SHISA6: variants seen among roughly 807,000 people sequenced by gnomAD.
The protein encoded by SHISA6 is protein shisa-6.
Under a neutral mutation model 47.9 loss-of-function variants are expected in SHISA6, and 22 were observed. That is an observed-to-expected ratio of 0.46 (90% CI 0.33 to 0.66). The LOEUF is 0.66. SHISA6 is among the 30% of genes least tolerant of loss of function. SHISA6 has a pLI of 0.02. For synonymous variants in SHISA6, 388 were observed against 337.8 expected (o/e 1.15, Z -1.63); for missense variants, 680 against 764.6 (o/e 0.89, Z 1.30).
intron 3 of SHISA6, among the ~76,000 whole-genome samples, chr17:11,532,355 G>A (rs560505678): frequency 6.6e-6 from 1 of 152,230 alleles, no homozygotes. Context: ...GTATCAGAAA[G>A]AGCATGTGTG....
intron 3 of SHISA6, among the ~76,000 whole-genome samples, chr17:11,409,906 A>T (rs1379336436): frequency 6.6e-6 from 1 of 152,118 alleles, no homozygotes; most frequent in East Asian, 1.9e-4. Context: ...GTTGCTTCTG[A>T]TACATGCATC....
chr17:11,403,906 A>G (rs1161781560), intron 3 of SHISA6, among the ~76,000 whole-genome samples: 2 of 152,148 alleles, frequency 1.3e-5, no homozygotes, highest in Non-Finnish European at 2.9e-5. Context: ...CCATGGGGCC[A>G]CTCAGGAACA....
intron 2 of SHISA6, among the ~76,000 whole-genome samples, chr17:11,286,290 G>A (rs1909297512): frequency 6.6e-6 from 1 of 152,026 alleles, no homozygotes. Flanking sequence ...AGATTCAAAG[G>A]GCACACATCC....
Position 11,460,340 on chromosome 17 carries a change from AAAC to A in SHISA6, c.895+80835_895+80837del, listed in dbSNP as rs568906285. 3.9e-5 allele frequency among the ~76,000 whole-genome samples: 6 copies of A among 152,322 alleles called. No individual in the cohort carries two copies. In the South Asian group the frequency reaches 1.2e-3, roughly 32 times the overall value. On this transcript the variant is annotated intron_variant, in intron 3 of 5. Transcript: ENST00000441885. ...GATAGACCTGAGTCCAGCAGAAAAA[AAAC>A]AACGATACAAATATCTAGGAGTTGG...
chr17:11,472,531 C>T (rs7222570), intron 3 of SHISA6, among the ~76,000 whole-genome samples: 11,042 of 152,202 alleles, frequency 0.073, 437 homozygotes, highest in Non-Finnish European at 0.09. Context: ...AATAATATTC[C>T]ATTGTCTGGA....
intron 3 of SHISA6, among the ~76,000 whole-genome samples, chr17:11,389,059 A>G (rs1027757672): frequency 2.6e-5 from 4 of 151,914 alleles, no homozygotes; most frequent in East Asian, 2.0e-4. Context: ...ATTCACAGCA[A>G]TTAAGCCAGT....
intron 2 of SHISA6, among the ~76,000 whole-genome samples, chr17:11,277,529 A>G (rs941212796): frequency 6.6e-6 from 1 of 152,160 alleles, no homozygotes; most frequent in African/African-American, 2.4e-5. Context: ...TTCAATAACT[A>G]TTTCTTGAAT....
chr17:11,487,157 C>A (rs1916370654), intron 3 of SHISA6, among the ~76,000 whole-genome samples: 1 of 152,172 alleles, frequency 6.6e-6, no homozygotes, highest in Non-Finnish European at 1.5e-5. Context: ...TGTTCACACA[C>A]GTGCATGGGC....
Position 11,452,794 on chromosome 17 carries a change from T to G in SHISA6, c.895+73285T>G, listed in dbSNP as rs1460847236. 2.0e-5 allele frequency among the ~76,000 whole-genome samples: 3 copies of G among 150,210 alleles called. 1 individual carries two copies. Among genetic ancestry groups the G allele is most frequent in the African/African-American group, 7.4e-5 (3 of 40,788 alleles). ...CTTCTCCTCCTCTTTCTCTTCTCCC[T>G]TCATCCTCTCTTTTTTCCTCCTCTT... On this transcript the variant is annotated intron_variant, in intron 3 of 5. Coordinates refer to ENST00000441885, the MANE Select transcript of SHISA6 (RefSeq NM_207386.4).
chr17:11,368,304 A>AGTTT (rs143839631), intron 2 of SHISA6, among the ~76,000 whole-genome samples: 74,401 of 151,434 alleles, frequency 0.49, 18,627 homozygotes, highest in African/African-American at 0.58. Context: ...AGATGAGCTG[A>AGTTT]CGTGTTTTCT....
chr17:11,302,926 C>A (rs1201690877), intron 2 of SHISA6, among the ~76,000 whole-genome samples: 1 of 152,154 alleles, frequency 6.6e-6, no homozygotes, highest in Admixed American at 6.5e-5. Flanking sequence ...CCTGCAGGTT[C>A]TGCTGGAGTT....
chr17:11,482,621 G>A (rs1023267557), intron 3 of SHISA6, among the ~76,000 whole-genome samples: 5 of 152,076 alleles, frequency 3.3e-5, no homozygotes, highest in African/African-American at 1.2e-4. Flanking sequence ...TTAAACTACG[G>A]GTCTAAATAA....
At chr17:11,384,494 G>A (rs1913129901) in intron 3 of SHISA6, among the ~76,000 whole-genome samples, 1 of 152,208 alleles carries the variant, frequency 6.6e-6, no homozygotes, top group Non-Finnish European at 1.5e-5. Flanking sequence ...TTCGACTTTG[G>A]CAATTTGGTT....
At chr17:11,385,181 T>TA (rs1913152335) in intron 3 of SHISA6, among the ~76,000 whole-genome samples, 1 of 151,416 alleles carries the variant, frequency 6.6e-6, no homozygotes, top group East Asian at 1.9e-4. Context: ...TTAGGAAAAA[T>TA]AAAAAAAGAA....
chr17:11,451,268 T>C (rs1250474490), intron 3 of SHISA6, among the ~76,000 whole-genome samples: 1 of 152,168 alleles, frequency 6.6e-6, no homozygotes, highest in Non-Finnish European at 1.5e-5. Flanking sequence ...ATACACAAAG[T>C]GCTATCTTAA....
In SHISA6 at chr17:11,341,241, A is replaced by G. The variant is rs151245005; in HGVS notation, c.800-38173A>G. Among the ~76,000 whole-genome samples, 7 of 151,850 alleles carry G rather than the reference A, an allele frequency of 4.6e-5. No individual in the cohort carries two copies. The East Asian group carries it at 1.2e-3, about 25-fold the overall frequency. ...AACAGCAACAATAAAAATGACAAGGATCATGGCAGCAGTTACGGGCCTTGT... is the reference window on the plus strand; with the variant it reads ...AACAGCAACAATAAAAATGACAAGGGTCATGGCAGCAGTTACGGGCCTTGT... On this transcript the variant is annotated intron_variant, in intron 2 of 5. Coordinates refer to ENST00000441885, the MANE Select transcript of SHISA6 (RefSeq NM_207386.4).
chr17:11,279,758 C>T (rs761517299), intron 2 of SHISA6, among the ~76,000 whole-genome samples: 42 of 152,016 alleles, frequency 2.8e-4, no homozygotes, highest in Admixed American at 4.6e-4. Flanking sequence ...ATTTTTTATC[C>T]ATAGCCGTAA....
rs535784849 is a variant in SHISA6, at chr17:11,326,174, G to T, written c.800-53240G>T. Among the ~76,000 whole-genome samples the T allele has an allele frequency of 2.6e-5, 4 of 152,124 alleles. No individual in the cohort carries two copies. In the East Asian group the frequency reaches 7.8e-4, roughly 29 times the overall value. On this transcript the variant is annotated intron_variant, in intron 2 of 5. Coordinates refer to ENST00000441885, the MANE Select transcript of SHISA6 (RefSeq NM_207386.4). ...TAGTCCCAGCTACTCGAGAGGCTGAGGCAGGAGAATCACTTGAACCCAGGA... is the reference window on the plus strand; with the variant it reads ...TAGTCCCAGCTACTCGAGAGGCTGATGCAGGAGAATCACTTGAACCCAGGA...
At chr17:11,518,556 A>G (rs1432298332) in intron 3 of SHISA6, among the ~76,000 whole-genome samples, 1 of 152,152 alleles carries the variant, frequency 6.6e-6, no homozygotes, top group Non-Finnish European at 1.5e-5. Flanking sequence ...TCCAAATCTC[A>G]GATTGGGGTT....
Sources: gnomAD v4.1 joint callset for allele counts (sites outside exome capture counted in the v4.1 genomes callset) on GRCh38, gnomAD v4.1.1 for gene constraint, MANE v1.5 for transcripts, NCBI Gene and HGNC (gene_info 2026-07-23, HGNC 2026-07-21) for gene names.